Variants in TRIM55 observed in about 807,000 individuals in gnomAD.
The protein encoded by TRIM55 is tripartite motif containing 55.
TRIM55 carries 50 observed loss-of-function variants against 60.9 expected under a neutral mutation model. That is an observed-to-expected ratio of 0.82 (90% CI 0.65 to 1.04). The LOEUF is 1.04. TRIM55 is among the 50% of genes least tolerant of loss of function. TRIM55 has a pLI of 0.00. For missense variants in TRIM55, 681 were observed against 666.9 expected (o/e 1.02, Z -0.23); for synonymous variants, 237 against 238.1 (o/e 1.00, Z 0.04).
intron 9 of TRIM55, among the ~76,000 whole-genome samples, chr8:66,169,412 C>T (rs1811497511): frequency 6.6e-6 from 1 of 152,150 alleles, no homozygotes. Context: ...TGCCATGAGA[C>T]ATACTTTGGC....
intron 9 of TRIM55, among the ~76,000 whole-genome samples, chr8:66,172,083 A>AGAAG (rs796338774): frequency 3.0e-4 from 37 of 123,922 alleles, no homozygotes; most frequent in Middle Eastern, 7.3e-3. Context: ...AAGGAAGGAA[A>AGAAG]GAAGGAAGGA....
chr8:66,168,094 G>T (rs1043359736), intron 9 of TRIM55, among the ~76,000 whole-genome samples: 1 of 152,068 alleles, frequency 6.6e-6, no homozygotes, highest in African/African-American at 2.4e-5. Flanking sequence ...GCTCTTTTTG[G>T]GGGTTCCTAT....
At chr8:66,150,165 T>A (rs1032046755) in intron 5 of TRIM55, 52 bp from the exon 6 acceptor site, 3 of 1,590,504 alleles carry the variant, frequency 1.9e-6, no homozygotes, top group East Asian at 4.5e-5. Flanking sequence ...GTCTTACCAC[T>A]GTCTTTTGTG....
At chr8:66,148,010 T>C (rs967606306) in intron 4 of TRIM55, among the ~76,000 whole-genome samples, 1 of 151,938 alleles carries the variant, frequency 6.6e-6, no homozygotes, top group African/African-American at 2.4e-5. Context: ...TAATAAAGGG[T>C]ATAGAATGGT....
At chr8:66,133,914 T>C (rs970141766) in intron 2 of TRIM55, among the ~76,000 whole-genome samples, 1 of 152,124 alleles carries the variant, frequency 6.6e-6, no homozygotes, top group Non-Finnish European at 1.5e-5. Context: ...CACACACATA[T>C]GTATATACAC....
chr8:66,155,400 G>A (rs552047951), intron 9 of TRIM55, among the ~76,000 whole-genome samples: 31 of 152,240 alleles, frequency 2.0e-4, no homozygotes, highest in African/African-American at 7.0e-4. Context: ...TGGTTTTTAG[G>A]TAAAAGATGC....
At chr8:66,125,108 T>C (rs1808769733), upstream of TRIM55, among the ~76,000 whole-genome samples, 1 of 152,272 alleles carries the variant, frequency 6.6e-6, no homozygotes, top group African/African-American at 2.4e-5. Context: ...ATTTTTTTTC[T>C]CTTTCCCCAA....
the TRIM55 span, among the ~76,000 whole-genome samples, chr8:66,117,043 A>G: frequency 1.3e-5 from 2 of 152,264 alleles, no homozygotes; most frequent in African/African-American, 4.8e-5. Flanking sequence ...AAAAAAAATC[A>G]TGTGATCATC....
chr8:66,156,141 TA>T (rs896926913), intron 9 of TRIM55, among the ~76,000 whole-genome samples: 10 of 152,198 alleles, frequency 6.6e-5, no homozygotes, highest in African/African-American at 1.9e-4. Flanking sequence ...TTCATCTGCT[TA>T]CACCAGAGAT....
intron 2 of TRIM55, among the ~76,000 whole-genome samples, chr8:66,130,562 C>CA (rs1563633401): frequency 1.4e-5 from 2 of 140,046 alleles, no homozygotes; most frequent in Admixed American, 7.4e-5. Flanking sequence ...GGAAGGGGGT[C>CA]GGGGGGGGTG....
intron 9 of TRIM55, among the ~76,000 whole-genome samples, chr8:66,171,780 GA>G (rs372035640): frequency 8.5e-5 from 13 of 152,342 alleles, no homozygotes; most frequent in African/African-American, 3.1e-4. Flanking sequence ...TGTGCTTACA[GA>G]AAAGAGTTTT....
At position 66,154,119 on chromosome 8, in the gene TRIM55, G is replaced by A; in HGVS notation, c.1309G>A (p.Ala437Thr). The A allele has an allele frequency of 6.2e-7, 1 of 1,614,028 alleles. No individual in the cohort carries two copies. Among genetic ancestry groups the A allele is most frequent in the Non-Finnish European group, 8.5e-7 (1 of 1,180,010 alleles). The part of the protein sequence containing the change: ...ETPVPAAAET[A>T]DPLFYPSWYK... ...TCCAGTCCCTGCAGCAGCAGAAACT[G>A]CGGATCCCTTGTTTTACCCTAGTTG... is the stretch of plus-strand genomic sequence containing the variant. Residue 437 changes from alanine to threonine, a missense_variant, in exon 9 of 10, where the codon GCG (alanine) becomes ACG (threonine). Transcript: ENST00000315962.
upstream of TRIM55, among the ~76,000 whole-genome samples, chr8:66,122,424 G>A (rs1370750689): frequency 6.6e-6 from 1 of 152,150 alleles, no homozygotes; most frequent in African/African-American, 2.4e-5. Context: ...CATCTTGCAT[G>A]TGTTGATTGA....
At chr8:66,114,268 C>T in the TRIM55 span, among the ~76,000 whole-genome samples, 13 of 152,258 alleles carry the variant, frequency 8.5e-5, no homozygotes, top group Middle Eastern at 3.4e-3. Flanking sequence ...TCCAGTTTTC[C>T]TTCCTGTCCC....
chr8:66,160,672 C>T (rs1470802971), intron 9 of TRIM55, among the ~76,000 whole-genome samples: 1 of 151,784 alleles, frequency 6.6e-6, no homozygotes, highest in East Asian at 1.9e-4. Flanking sequence ...CACCTCATCC[C>T]CACCAACATT....
At chr8:66,165,674 C>T (rs924789244) in intron 9 of TRIM55, among the ~76,000 whole-genome samples, 2 of 152,218 alleles carry the variant, frequency 1.3e-5, no homozygotes, top group Admixed American at 6.5e-5. Flanking sequence ...ATATGCCAGG[C>T]GCCCTGACCG....
chr8:66,159,269 T>C (rs1810915925), intron 9 of TRIM55, among the ~76,000 whole-genome samples: 1 of 152,258 alleles, frequency 6.6e-6, no homozygotes, highest in Non-Finnish European at 1.5e-5. Context: ...CAAACTGTCT[T>C]GTGAATGAAA....
At chr8:66,124,787 G>A (rs1314283434), upstream of TRIM55, among the ~76,000 whole-genome samples, 1 of 152,086 alleles carries the variant, frequency 6.6e-6, no homozygotes, top group East Asian at 1.9e-4. Flanking sequence ...TTCCTTATAG[G>A]CCCCAATATC....
At chr8:66,165,127 A>G (rs1369012302) in intron 9 of TRIM55, among the ~76,000 whole-genome samples, 1 of 152,030 alleles carries the variant, frequency 6.6e-6, no homozygotes, top group Non-Finnish European at 1.5e-5. Context: ...CTTTCACATC[A>G]CTCAAGGTTC....
Sources: allele counts gnomAD v4.1 joint callset (sites outside exome capture counted in the v4.1 genomes callset), GRCh38; gene constraint gnomAD v4.1.1; transcripts MANE v1.5; gene names NCBI Gene and HGNC (gene_info 2026-07-23, HGNC 2026-07-21).